The following LHFPL3 variants were observed in gnomAD, a reference collection of about 807,000 sequenced individuals.
LHFPL3 encodes the protein LHFPL tetraspan subfamily member 3.
LHFPL3 carries 5 observed loss-of-function variants against 19.3 expected under a neutral mutation model. That is an observed-to-expected ratio of 0.26 (90% CI 0.14 to 0.54). LHFPL3 has a LOEUF of 0.54. Ranked by LOEUF, LHFPL3 falls within the 20% of genes least tolerant of loss-of-function variation. LHFPL3 has a pLI of 0.94. For missense variants in LHFPL3, 249 were observed against 307.4 expected, an observed-to-expected ratio of 0.81 and a Z score of 1.42; for synonymous variants, 133 against 126.2, an observed-to-expected ratio of 1.05 and a Z score of -0.36.
At chr7:104,755,806 C>G (rs1794274341) in intron 2 of LHFPL3, among the ~76,000 whole-genome samples, 1 of 152,194 alleles carries the variant, frequency 6.6e-6, no homozygotes, top group Non-Finnish European at 1.5e-5. Context: ...AGCGATTATC[C>G]TGCCTCAACC....
intron 2 of LHFPL3, among the ~76,000 whole-genome samples, chr7:104,750,255 T>C (rs1794137275): frequency 6.6e-6 from 1 of 152,204 alleles, no homozygotes; most frequent in East Asian, 1.9e-4. Context: ...TAGAGACATC[T>C]GCTCCAGTGT....
rs566631154 is a variant in LHFPL3, at chr7:104,761,297, C to T, written c.682+24386C>T. Among the ~76,000 whole-genome samples, 7 of 152,088 alleles carry T rather than the reference C, an allele frequency of 4.6e-5. No individual in the cohort carries two copies. In the South Asian group the frequency reaches 1.5e-3, roughly 32 times the overall value. On this transcript the variant is annotated intron_variant, in intron 2 of 2. Coordinates refer to ENST00000424859, the MANE Select transcript of LHFPL3 (RefSeq NM_199000.3). Reference sequence around the variant, plus strand: ...TCGATTGATTTGGTGGGTTTTTTTACATTTTTACAAATTCATCCTTGTAGC... The same window carrying T: ...TCGATTGATTTGGTGGGTTTTTTTATATTTTTACAAATTCATCCTTGTAGC...
At chr7:104,525,614 T>G (rs1005100432) in intron 1 of LHFPL3, among the ~76,000 whole-genome samples, 9 of 150,800 alleles carry the variant, frequency 6.0e-5, no homozygotes, top group African/African-American at 9.7e-5. Context: ...GGGTTTTTTT[T>G]TTTTTTTTTT....
At chr7:104,537,487 G>T (rs909596394) in intron 1 of LHFPL3, among the ~76,000 whole-genome samples, 1 of 152,002 alleles carries the variant, frequency 6.6e-6, no homozygotes, top group Non-Finnish European at 1.5e-5. Context: ...ATGGGTTCCA[G>T]CCCCTATTAT....
intron 1 of LHFPL3, among the ~76,000 whole-genome samples, chr7:104,641,452 T>C (rs960607667): frequency 3.9e-5 from 6 of 152,216 alleles, no homozygotes; most frequent in African/African-American, 1.4e-4. Flanking sequence ...ATCTGACCGA[T>C]TGCTTGTGGA....
Position 104,827,033 on chromosome 7 carries a change from G to A in LHFPL3, c.683-79154G>A, listed in dbSNP as rs1790837043. Among the ~76,000 whole-genome samples the A allele has an allele frequency of 2.0e-5, 3 of 151,520 alleles. No homozygotes were observed. The South Asian group carries it at 6.2e-4, about 31-fold the overall frequency. The stretch of plus-strand genomic sequence containing the variant: ...AAATAATCTCCACAGTGATGTATGG[G>A]GGACCCCATCACCTATTTTTGCACC... On this transcript the variant is annotated intron_variant, in intron 2 of 2. Coordinates refer to ENST00000424859, the MANE Select transcript of LHFPL3 (RefSeq NM_199000.3).
intron 1 of LHFPL3, among the ~76,000 whole-genome samples, chr7:104,472,044 G>T (rs929903366): frequency 6.6e-6 from 1 of 152,026 alleles, no homozygotes; most frequent in African/African-American, 2.4e-5. Flanking sequence ...CGAGGGTGGG[G>T]CGTGTACCTG....
chr7:104,503,507 C>A (rs2115739938), intron 1 of LHFPL3, among the ~76,000 whole-genome samples: 1 of 152,208 alleles, frequency 6.6e-6, no homozygotes, highest in South Asian at 2.1e-4. Context: ...CCCAAATATT[C>A]TTGAGTATTC....
At chr7:104,555,813 C>T (rs1249190999) in intron 1 of LHFPL3, among the ~76,000 whole-genome samples, 2 of 152,200 alleles carry the variant, frequency 1.3e-5, no homozygotes, top group Non-Finnish European at 2.9e-5. Flanking sequence ...TCCCTTCCAC[C>T]TATGAGCCTG....
intron 2 of LHFPL3, among the ~76,000 whole-genome samples, chr7:104,836,997 T>C (rs1791110662): frequency 6.6e-6 from 1 of 152,222 alleles, no homozygotes; most frequent in South Asian, 2.1e-4. Flanking sequence ...TATTTCATGG[T>C]GATGAAGATC....
intron 1 of LHFPL3, among the ~76,000 whole-genome samples, chr7:104,421,503 A>G (rs1215368891): frequency 2.0e-5 from 3 of 152,164 alleles, no homozygotes; most frequent in Admixed American, 1.3e-4. Flanking sequence ...GGAAAGGTTT[A>G]TTGGGAAGAG....
chr7:104,497,501 TCTGAGAG>T (rs1373066309), intron 1 of LHFPL3, among the ~76,000 whole-genome samples: 1 of 152,016 alleles, frequency 6.6e-6, no homozygotes, highest in Admixed American at 6.6e-5. Flanking sequence ...TTTGTCTTCA[TCTGAGAG>T]CTGACAGATC....
At chr7:104,583,972 G>T (rs1169727578) in intron 1 of LHFPL3, among the ~76,000 whole-genome samples, 1 of 151,998 alleles carries the variant, frequency 6.6e-6, no homozygotes, top group African/African-American at 2.4e-5. Context: ...ATACCCAAAG[G>T]ATTATAAATC....
chr7:104,349,528 G>T (rs1238696153), intron 1 of LHFPL3, among the ~76,000 whole-genome samples: 1 of 152,182 alleles, frequency 6.6e-6, no homozygotes, highest in Non-Finnish European at 1.5e-5. Flanking sequence ...AGATGCCTTT[G>T]ATTTTGAAAT....
chr7:104,727,042 C>A (rs186014651), intron 1 of LHFPL3, among the ~76,000 whole-genome samples: 76 of 152,288 alleles, frequency 5.0e-4, no homozygotes, highest in African/African-American at 1.8e-3. Context: ...GCATGAGAAG[C>A]ATCTCATTGT....
intron 1 of LHFPL3, among the ~76,000 whole-genome samples, chr7:104,505,874 T>C (rs1793687973): frequency 6.6e-6 from 1 of 152,184 alleles, no homozygotes; most frequent in Admixed American, 6.5e-5. Flanking sequence ...TAGGTATAGA[T>C]CAGAAGTTAT....
At chr7:104,383,767 A>G (rs1314417992) in intron 1 of LHFPL3, among the ~76,000 whole-genome samples, 2 of 152,224 alleles carry the variant, frequency 1.3e-5, no homozygotes, top group Admixed American at 6.5e-5. Context: ...TAAGAAAGAA[A>G]TAGTGCTTTT....
chr7:104,587,486 A>G (rs1020638566), intron 1 of LHFPL3, among the ~76,000 whole-genome samples: 1 of 152,196 alleles, frequency 6.6e-6, no homozygotes, highest in African/African-American at 2.4e-5. Context: ...TCCATGGTGT[A>G]TATGTGCCAC....
intron 1 of LHFPL3, among the ~76,000 whole-genome samples, chr7:104,726,487 C>G (rs903726284): frequency 3.9e-5 from 6 of 152,072 alleles, no homozygotes; most frequent in Admixed American, 6.6e-5. Flanking sequence ...GCTTCTTCAC[C>G]CTGCCTAACC....
Sources: allele counts gnomAD v4.1 joint callset (sites outside exome capture counted in the v4.1 genomes callset), GRCh38; gene constraint gnomAD v4.1.1; transcripts MANE v1.5; gene names NCBI Gene and HGNC (gene_info 2026-07-23, HGNC 2026-07-21).